The following PDS5A variants were observed in gnomAD, a reference collection of about 807,000 sequenced individuals.
The protein encoded by PDS5A is PDS5 cohesin associated factor A.
In PDS5A, 42 loss-of-function variants were observed where a neutral mutation model predicts 167.1. The ratio of observed to expected loss-of-function variants is 0.25; its 90% CI spans 0.20 to 0.33. The LOEUF (loss-of-function observed/expected upper bound fraction) is 0.33. PDS5A is among the 10% of genes least tolerant of loss of function. PDS5A has a pLI of 1.00. For synonymous variants in PDS5A, 553 were observed against 554.6 expected (o/e 1.00, Z 0.04); for missense variants, 1,033 against 1,605.9 (o/e 0.64, Z 6.10).
chr4:39,838,596 G>A (rs535332975), intron 31 of PDS5A, among the ~76,000 whole-genome samples: 89 of 152,302 alleles, frequency 5.8e-4, no homozygotes, highest in South Asian at 2.1e-3. Context: ...GGTGGCTTGT[G>A]CCTGTAGTCC....
At chr4:39,946,589 A>C (rs1727792765) in intron 2 of PDS5A, among the ~76,000 whole-genome samples, 2 of 152,208 alleles carry the variant, frequency 1.3e-5, no homozygotes, top group African/African-American at 4.8e-5. Context: ...ATTCAGAATG[A>C]AAATAGACAT....
intron 2 of PDS5A, among the ~76,000 whole-genome samples, chr4:39,943,329 G>C (rs1194366572): frequency 6.6e-6 from 1 of 151,988 alleles, no homozygotes. Flanking sequence ...CACCAGCATA[G>C]ACTACTTGAT....
chr4:39,944,682 G>GAC (rs1329373064), intron 2 of PDS5A, among the ~76,000 whole-genome samples: 2 of 110,984 alleles, frequency 1.8e-5, no homozygotes, highest in Non-Finnish European at 3.4e-5. Flanking sequence ...CAACAACGGC[G>GAC]AAACTCCATC....
intron 2 of PDS5A, among the ~76,000 whole-genome samples, chr4:39,949,118 C>A (rs1200244736): frequency 6.6e-6 from 1 of 150,850 alleles, no homozygotes; most frequent in Non-Finnish European, 1.5e-5. Context: ...CATAGTGAAA[C>A]CCTGTCTCTA....
At chr4:39,885,975 A>G (rs1391707479) in intron 17 of PDS5A, among the ~76,000 whole-genome samples, 1 of 152,174 alleles carries the variant, frequency 6.6e-6, no homozygotes, top group Non-Finnish European at 1.5e-5. Flanking sequence ...AAAGAAAAAA[A>G]AGCCAATTTT....
At chr4:39,940,196 A>T (rs1271843281) in intron 2 of PDS5A, among the ~76,000 whole-genome samples, 1 of 152,052 alleles carries the variant, frequency 6.6e-6, no homozygotes, top group East Asian at 1.9e-4. Flanking sequence ...TCCAGCCTGG[A>T]TGACAGAGCG....
intron 2 of PDS5A, chr4:39,973,882 T>C (rs1383532891): frequency 1.1e-5 from 8 of 748,988 alleles, no homozygotes; most frequent in African/African-American, 1.7e-5. Context: ...TCCCAGCACT[T>C]TGGGAGGCCA....
chr4:39,828,769 C>A (rs1233540764), intron 32 of PDS5A, among the ~76,000 whole-genome samples: 1 of 152,124 alleles, frequency 6.6e-6, no homozygotes, highest in Non-Finnish European at 1.5e-5. Context: ...GACAAAAGAG[C>A]ACCTATAGAT....
intron 11 of PDS5A, among the ~76,000 whole-genome samples, chr4:39,906,917 TAAAA>T (rs1191690836): frequency 5.4e-3 from 294 of 53,986 alleles, no homozygotes; most frequent in Middle Eastern, 0.015. Flanking sequence ...ATTTCTTACA[TAAAA>T]AAAAAAAAAA....
intron 2 of PDS5A, among the ~76,000 whole-genome samples, chr4:39,957,881 G>A (rs1023261459): frequency 6.6e-6 from 1 of 152,050 alleles, no homozygotes; most frequent in African/African-American, 2.4e-5. Context: ...ACAGGCCGGG[G>A]GTGATGGCTC....
chr4:39,862,467 C>A (rs1422926254), intron 25 of PDS5A, 134 bp from the exon 26 acceptor site: 3 of 507,782 alleles, frequency 5.9e-6, no homozygotes, highest in Non-Finnish European at 1.1e-5. Flanking sequence ...TACTAAAATA[C>A]TTTACACTTC....
At chr4:39,959,126 A>G (rs1159601760) in intron 2 of PDS5A, among the ~76,000 whole-genome samples, 1 of 152,164 alleles carries the variant, frequency 6.6e-6, no homozygotes, top group African/African-American at 2.4e-5. Context: ...TGGCACTCAC[A>G]TTGTAAATTA....
chr4:39,869,802 G>A (rs1012127664), intron 21 of PDS5A, among the ~76,000 whole-genome samples: 4 of 152,062 alleles, frequency 2.6e-5, no homozygotes. Context: ...TTCAACAAAT[G>A]GTGCTAGAAA....
chr4:39,907,711 C>T (rs555477052), intron 11 of PDS5A, among the ~76,000 whole-genome samples: 162 of 152,114 alleles, frequency 1.1e-3, no homozygotes, highest in African/African-American at 1.9e-3. Context: ...CTCAGCCTCC[C>T]GAGTAGCTGG....
chr4:39,841,278 T>TTTGGTGCCAACC (rs2109493632), intron 31 of PDS5A, among the ~76,000 whole-genome samples: 1 of 150,816 alleles, frequency 6.6e-6, no homozygotes, highest in East Asian at 2.0e-4. Context: ...TAGCTGAGAT[T>TTTGGTGCCAACC]ACAGGCGCCT....
intron 17 of PDS5A, among the ~76,000 whole-genome samples, chr4:39,885,731 A>G (rs992876193): frequency 5.8e-4 from 89 of 152,312 alleles, no homozygotes; most frequent in African/African-American, 2.0e-3. Flanking sequence ...CCTGGACGGC[A>G]TGGTGAAACC....
intron 16 of PDS5A, among the ~76,000 whole-genome samples, chr4:39,895,634 T>C (rs1722338888): frequency 6.6e-6 from 1 of 152,228 alleles, no homozygotes; most frequent in Non-Finnish European, 1.5e-5. Context: ...GCACGATATT[T>C]AAACACTTTT....
intron 31 of PDS5A, 54 bp from the exon 32 acceptor site, chr4:39,838,262 C>T: frequency 8.2e-7 from 1 of 1,222,730 alleles, no homozygotes; most frequent in Non-Finnish European, 1.1e-6. Flanking sequence ...TATTAATGAT[C>T]TCTATTAGAA....
intron 29 of PDS5A, among the ~76,000 whole-genome samples, chr4:39,845,365 C>T (rs947930781): frequency 1.3e-5 from 2 of 151,954 alleles, no homozygotes; most frequent in African/African-American, 4.8e-5. Flanking sequence ...AAAATACATA[C>T]ATAATAAATG....
Sources: allele counts gnomAD v4.1 joint callset (sites outside exome capture counted in the v4.1 genomes callset), GRCh38; gene constraint gnomAD v4.1.1; transcripts MANE v1.5; gene names NCBI Gene and HGNC (gene_info 2026-07-23, HGNC 2026-07-21).